The following SULT1E1 variants were observed in gnomAD, a reference collection of about 807,000 sequenced individuals.
SULT1E1 encodes sulfotransferase 1E1.
A neutral mutation model predicts 33.6 loss-of-function variants in SULT1E1; 36 were observed. That is an observed-to-expected ratio of 1.07 (90% CI 0.82 to 1.41). SULT1E1 has a LOEUF of 1.41. Ranked by LOEUF, SULT1E1 falls within the 40% of genes most tolerant of loss-of-function variation. SULT1E1 has a pLI of 0.00. For synonymous variants in SULT1E1, 121 were observed against 111.7 expected, an observed-to-expected ratio of 1.08 and a Z score of -0.53; for missense variants, 371 against 345.7, an observed-to-expected ratio of 1.07 and a Z score of -0.58.
At chr4:69,848,092 G>A (rs1721019213) in intron 5 of SULT1E1, among the ~76,000 whole-genome samples, 1 of 87,522 alleles carries the variant, frequency 1.1e-5, no homozygotes, top group South Asian at 2.7e-4. Flanking sequence ...AAACTGGTGT[G>A]TGTGTGTGTG....
chr4:69,828,218 C>T, the SULT1E1 span, among the ~76,000 whole-genome samples: 2 of 152,212 alleles, frequency 1.3e-5, no homozygotes, highest in Admixed American at 6.5e-5. Context: ...AAGCTGGCCA[C>T]CCAAGCCAGC....
chr4:69,832,064 T>C, the SULT1E1 span, among the ~76,000 whole-genome samples: 1 of 152,126 alleles, frequency 6.6e-6, no homozygotes, highest in Non-Finnish European at 1.5e-5. Flanking sequence ...TGGGTCAAAT[T>C]AGTGGTTATA....
the SULT1E1 span, among the ~76,000 whole-genome samples, chr4:69,830,619 T>C: frequency 7.9e-5 from 12 of 152,166 alleles, no homozygotes; most frequent in African/African-American, 1.7e-4. Flanking sequence ...TGGGTCCCAA[T>C]TGGGGTCTGT....
chr4:69,821,955 ATAGT>A, the SULT1E1 span, among the ~76,000 whole-genome samples: 3 of 152,230 alleles, frequency 2.0e-5, no homozygotes, highest in Non-Finnish European at 4.4e-5. Flanking sequence ...TATAGTTGTA[ATAGT>A]TAGGTTGTTG....
At chr4:69,828,800 C>T in the SULT1E1 span, among the ~76,000 whole-genome samples, 2 of 152,194 alleles carry the variant, frequency 1.3e-5, no homozygotes, top group South Asian at 2.1e-4. Flanking sequence ...AGATTTGAGC[C>T]TTTTTCCCTG....
At chr4:69,846,575 A>G (rs1024892208) in intron 6 of SULT1E1, among the ~76,000 whole-genome samples, 2 of 151,610 alleles carry the variant, frequency 1.3e-5, no homozygotes, top group African/African-American at 4.8e-5. Context: ...CTACTATGAA[A>G]ATTATTGAAT....
chr4:69,833,895 G>T, the SULT1E1 span, among the ~76,000 whole-genome samples: 1 of 152,130 alleles, frequency 6.6e-6, no homozygotes, highest in Non-Finnish European at 1.5e-5. Context: ...AATCACATTT[G>T]TTGTTAAATT....
At chr4:69,822,612 G>A in the SULT1E1 span, among the ~76,000 whole-genome samples, 1 of 152,128 alleles carries the variant, frequency 6.6e-6, no homozygotes, top group Admixed American at 6.5e-5. Context: ...AACAGAAAAG[G>A]AGTCAAGAAT....
At chr4:69,851,502 A>G (rs1721105272) in intron 4 of SULT1E1, among the ~76,000 whole-genome samples, 1 of 152,192 alleles carries the variant, frequency 6.6e-6, no homozygotes, top group Non-Finnish European at 1.5e-5. Flanking sequence ...GTGGAGAAAT[A>G]GGAACACTTT....
At chr4:69,855,117 T>G in intron 3 of SULT1E1, among the ~76,000 whole-genome samples, 184 bp downstream of exon 3, 1 of 152,192 alleles carries the variant, frequency 6.6e-6, no homozygotes. Context: ...TCCAGACATA[T>G]GCTGTACACA....
chr4:69,829,418 A>G, the SULT1E1 span, among the ~76,000 whole-genome samples: 1 of 152,120 alleles, frequency 6.6e-6, no homozygotes, highest in Non-Finnish European at 1.5e-5. Flanking sequence ...TTGGTGCCTG[A>G]TTTACTGTCA....
At chr4:69,821,329 A>T in the SULT1E1 span, among the ~76,000 whole-genome samples, 44 of 152,350 alleles carry the variant, frequency 2.9e-4, no homozygotes, top group African/African-American at 9.9e-4. Context: ...TTTGTTTAAT[A>T]GTCTGTTGAT....
At chr4:69,858,078 A>G (rs1228248835) in intron 1 of SULT1E1, among the ~76,000 whole-genome samples, 2 of 152,166 alleles carry the variant, frequency 1.3e-5, no homozygotes, top group Non-Finnish European at 2.9e-5. Flanking sequence ...AAAGATCATT[A>G]CATTTGATTA....
the SULT1E1 span, among the ~76,000 whole-genome samples, chr4:69,831,792 T>C: frequency 6.6e-6 from 1 of 152,050 alleles, no homozygotes; most frequent in Non-Finnish European, 1.5e-5. Context: ...AGGGGGCAGC[T>C]CCTATTAGCC....
At chr4:69,857,241 G>C (rs896598342) in intron 2 of SULT1E1, among the ~76,000 whole-genome samples, 1 of 152,096 alleles carries the variant, frequency 6.6e-6, no homozygotes, top group Non-Finnish European at 1.5e-5. Flanking sequence ...TTTTCATTAT[G>C]GGATGAATAC....
the SULT1E1 span, among the ~76,000 whole-genome samples, chr4:69,832,869 G>A: frequency 2.0e-5 from 3 of 152,218 alleles, no homozygotes; most frequent in South Asian, 6.2e-4. Flanking sequence ...GGATTCGAGG[G>A]GGAAGTTTAC....
the SULT1E1 span, among the ~76,000 whole-genome samples, chr4:69,827,605 T>A: frequency 6.6e-6 from 1 of 152,080 alleles, no homozygotes; most frequent in Non-Finnish European, 1.5e-5. Context: ...AAAGATAAGT[T>A]TATTACCCAG....
chr4:69,844,409 G>T, intron 6 of SULT1E1, 68 bp from the exon 7 acceptor site: 1 of 1,246,042 alleles, frequency 8.0e-7, no homozygotes, highest in Non-Finnish European at 1.1e-6. Flanking sequence ...AAATGAAAGA[G>T]AAAAAATAAA....
Position 69,847,722 on chromosome 4 carries a change from A to G in SULT1E1, c.567T>C (p.Phe189=), listed in dbSNP as rs997256505. The G allele has an allele frequency of 2.5e-6, 4 of 1,606,478 alleles. No individual in the cohort carries two copies. The highest frequency in any genetic ancestry group is 3.4e-5 in the Admixed American group (2 of 59,308). The change falls in exon 6 of 8, where the codon TTT becomes TTC. Residue 189 remains phenylalanine (F), a synonymous_variant. Coordinates refer to ENST00000226444, the MANE Select transcript of SULT1E1 (RefSeq NM_005420.3). ...CCTCTTTCAGGTCTTCGTAGAAAAG[A>G]AATAGTACACGTGGACTCTTTCCCT... ...WEKGKSPRVL[F]LFYEDLKEDI... is the part of the protein sequence containing the mutation.
Sources: allele counts gnomAD v4.1 joint callset (sites outside exome capture counted in the v4.1 genomes callset), GRCh38; gene constraint gnomAD v4.1.1; transcripts MANE v1.5; gene names NCBI Gene and HGNC (gene_info 2026-07-23, HGNC 2026-07-21).